MDGA2: variants seen among roughly 807,000 people sequenced by gnomAD.
The protein encoded by MDGA2 is MAM domain-containing glycosylphosphatidylinositol anchor protein 2.
MDGA2 carries 40 observed loss-of-function variants against 117.8 expected under a neutral mutation model. That is an observed-to-expected ratio of 0.34 (90% CI 0.26 to 0.44). MDGA2 has a LOEUF of 0.44. Among genes scored for constraint, MDGA2 ranks in the 20% least tolerant of loss-of-function variants. The probability of loss-of-function intolerance (pLI) is 1.00; values close to 1 mark genes in which losing one functional copy is unlikely to be tolerated. For missense variants in MDGA2, 1,123 were observed against 1,250.6 expected, an observed-to-expected ratio of 0.90 and a Z score of 1.54; for synonymous variants, 452 against 439.0, an observed-to-expected ratio of 1.03 and a Z score of -0.37.
In MDGA2 at chr14:47,035,065, A is replaced by G. The variant is rs755166870; in HGVS notation, c.1765T>C (p.Tyr589His). The G allele has an allele frequency of 3.7e-6, 6 of 1,613,982 alleles. No homozygotes were observed. In the African/African-American group the frequency reaches 5.3e-5, roughly 14 times the overall value. Residue 589 changes from tyrosine to histidine, a missense_variant, in exon 8 of 17, where the codon TAC becomes CAC. Tyr to His is a moderately conservative substitution (Grantham distance 83, BLOSUM62 2). Around this residue, in one of 2 missense-constraint regions of MDGA2, gnomAD observed 890 missense variants for 1,050.3 expected, o/e 0.85. Transcript: ENST00000399232. ...SGMYRCQTSQ[Y>H]NGFNVKPREA... ...CTTGGTTTCACGTTAAATCCATTGT[A>G]TTGGCTGGTCTGACATCTGTACATT...
At chr14:47,180,940 AT>A (rs1252884194) in intron 3 of MDGA2, among the ~76,000 whole-genome samples, 4 of 152,204 alleles carry the variant, frequency 2.6e-5, no homozygotes, top group African/African-American at 4.8e-5. Flanking sequence ...AAACAAAAAA[AT>A]AAAACAAACA....
Position 47,333,147 on chromosome 14 carries a change from C to T in MDGA2, c.281-31597G>A, listed in dbSNP as rs1050900571. On this transcript the variant is annotated intron_variant, in intron 1 of 16. Transcript: ENST00000399232. The stretch of plus-strand genomic sequence containing the variant: ...CTTTTTGATATAATGATTTCCTTTG[C>T]ATATATAACCACTAGGGGGATTGCT... 5.3e-5 allele frequency among the ~76,000 whole-genome samples: 8 copies of T among 151,780 alleles called. No homozygotes were observed. The East Asian group carries it at 1.2e-3, about 22-fold the overall frequency.
intron 1 of MDGA2, among the ~76,000 whole-genome samples, chr14:47,554,619 T>C (rs561856242): frequency 3.4e-4 from 52 of 152,346 alleles, no homozygotes; most frequent in African/African-American, 1.2e-3. Context: ...TTTGTTTGAA[T>C]AATGAGTTGA....
intron 1 of MDGA2, among the ~76,000 whole-genome samples, chr14:47,446,139 A>G (rs2138559169): frequency 6.6e-6 from 1 of 152,286 alleles, no homozygotes; most frequent in South Asian, 2.1e-4. Context: ...TCTATCAGAG[A>G]GTCATCCCTG....
In MDGA2 at chr14:47,142,281, T is replaced by A. The variant is rs1025944487; in HGVS notation, c.792+1797A>T. 9.9e-5 allele frequency among the ~76,000 whole-genome samples: 15 copies of A among 152,086 alleles called. No homozygotes were observed. The East Asian group carries it at 1.9e-3, about 20-fold the overall frequency. ...CAACATGGTGAAACCCCACCTCTACTAAAAATACAAAAATTAGCCCAGTGT... is the reference window on the plus strand; with the variant it reads ...CAACATGGTGAAACCCCACCTCTACAAAAAATACAAAAATTAGCCCAGTGT... On this transcript the variant is annotated intron_variant, in intron 4 of 16. Transcript: ENST00000399232.
chr14:47,197,600 A>T (rs1566676218), intron 3 of MDGA2, among the ~76,000 whole-genome samples: 1 of 152,172 alleles, frequency 6.6e-6, no homozygotes, highest in Non-Finnish European at 1.5e-5. Context: ...GGTGAATCTG[A>T]AACAACAAGA....
intron 10 of MDGA2, among the ~76,000 whole-genome samples, chr14:46,909,394 T>C (rs889376479): frequency 6.6e-6 from 1 of 152,146 alleles, no homozygotes; most frequent in African/African-American, 2.4e-5. Flanking sequence ...TTTTTTCCCA[T>C]GTTTTCCTCA....
At chr14:47,442,379 A>G (rs1489626570) in intron 1 of MDGA2, among the ~76,000 whole-genome samples, 1 of 152,068 alleles carries the variant, frequency 6.6e-6, no homozygotes. Context: ...CTGTAGGCTC[A>G]GTGTTTCCAG....
chr14:46,858,671 C>T (rs1376393976), intron 14 of MDGA2, among the ~76,000 whole-genome samples: 2 of 152,094 alleles, frequency 1.3e-5, no homozygotes, highest in Admixed American at 6.6e-5. Flanking sequence ...TCGTGATCCA[C>T]CAGCCTTGGC....
chr14:47,286,816 T>TATATATATAG, intron 2 of MDGA2, among the ~76,000 whole-genome samples: 1 of 119,876 alleles, frequency 8.3e-6, no homozygotes, highest in African/African-American at 2.9e-5. Flanking sequence ...TATATATATA[T>TATATATATAG]ATATATATAC....
intron 7 of MDGA2, among the ~76,000 whole-genome samples, chr14:47,054,711 T>C (rs1889605555): frequency 6.6e-6 from 1 of 151,634 alleles, no homozygotes; most frequent in Admixed American, 6.6e-5. Flanking sequence ...TATCTACAAC[T>C]ATCTGATCTT....
chr14:47,494,876 T>TTTTATATA (rs1555327306), intron 1 of MDGA2, among the ~76,000 whole-genome samples: 5 of 141,020 alleles, frequency 3.5e-5, no homozygotes, highest in Non-Finnish European at 7.5e-5. Flanking sequence ...TAAAATGTGA[T>TTTTATATA]TATATATATA....
chr14:47,614,559 A>G (rs539136631), intron 1 of MDGA2, among the ~76,000 whole-genome samples: 8 of 152,344 alleles, frequency 5.3e-5, no homozygotes, highest in African/African-American at 1.9e-4. Flanking sequence ...ACATGCTTCC[A>G]TGAAGCCATA....
chr14:47,507,623 G>A (rs1894542163), intron 1 of MDGA2, among the ~76,000 whole-genome samples: 1 of 152,074 alleles, frequency 6.6e-6, no homozygotes, highest in East Asian at 1.9e-4. Context: ...AAAAAGAAAG[G>A]TTTTGAATAG....
chr14:47,265,230 G>C (rs1887926842), intron 2 of MDGA2, among the ~76,000 whole-genome samples: 1 of 152,106 alleles, frequency 6.6e-6, no homozygotes, highest in South Asian at 2.1e-4. Context: ...AAAAGCATTT[G>C]TAATACAGTA....
intron 10 of MDGA2, among the ~76,000 whole-genome samples, chr14:46,902,806 G>C (rs1883341398): frequency 6.6e-6 from 1 of 152,164 alleles, no homozygotes; most frequent in Non-Finnish European, 1.5e-5. Flanking sequence ...ATTTTCTCAA[G>C]ATTTACACTA....
chr14:47,416,731 G>T (rs1182328466), intron 1 of MDGA2, among the ~76,000 whole-genome samples: 2 of 152,236 alleles, frequency 1.3e-5, no homozygotes, highest in South Asian at 4.1e-4. Context: ...ACTATGCAAG[G>T]TTCACCACCT....
chr14:47,597,939 T>C (rs1594936669), intron 1 of MDGA2, among the ~76,000 whole-genome samples: 1 of 150,488 alleles, frequency 6.6e-6, no homozygotes, highest in Non-Finnish European at 1.5e-5. Context: ...GAAAAAAACA[T>C]TGATTGATTA....
intron 1 of MDGA2, among the ~76,000 whole-genome samples, chr14:47,508,005 T>C (rs1486692916): frequency 6.6e-6 from 1 of 152,238 alleles, no homozygotes; most frequent in East Asian, 1.9e-4. Context: ...TATCACTGGG[T>C]ACTTCCTGAC....
Sources: allele counts gnomAD v4.1 joint callset (sites outside exome capture counted in the v4.1 genomes callset), GRCh38; gene constraint gnomAD v4.1.1; regional missense constraint gnomAD v4.1.1; transcripts MANE v1.5; gene names NCBI Gene and HGNC (gene_info 2026-07-23, HGNC 2026-07-21).